The following DENND1A variants were observed in gnomAD, a reference collection of about 807,000 sequenced individuals.
DENND1A encodes the protein DENN domain containing 1A.
Under a neutral mutation model 113.7 loss-of-function variants are expected in DENND1A, and 51 were observed. The ratio of observed to expected loss-of-function variants is 0.45; its 90% CI spans 0.36 to 0.57. The LOEUF is 0.57. DENND1A is among the 20% of genes least tolerant of loss of function. The pLI, the probability that DENND1A is intolerant of heterozygous loss-of-function variation, is 0.00. For synonymous variants in DENND1A, 565 were observed against 570.8 expected (o/e 0.99, Z 0.14); for missense variants, 1,258 against 1,395.9 (o/e 0.90, Z 1.57).
intron 19 of DENND1A, among the ~76,000 whole-genome samples, chr9:123,421,473 C>T (rs746434528): frequency 1.3e-5 from 2 of 152,138 alleles, no homozygotes; most frequent in South Asian, 4.1e-4. Flanking sequence ...CCTCTCTCTC[C>T]CCAGAAAGTC....
chr9:123,682,034 G>A (rs756238283), intron 5 of DENND1A, among the ~76,000 whole-genome samples: 4 of 152,176 alleles, frequency 2.6e-5, no homozygotes, highest in South Asian at 2.1e-4. Context: ...AGAAGAAAGC[G>A]CATGAGCGAT....
At chr9:123,475,573 A>G (rs1452008389) in intron 13 of DENND1A, among the ~76,000 whole-genome samples, 1 of 152,150 alleles carries the variant, frequency 6.6e-6, no homozygotes, top group Non-Finnish European at 1.5e-5. Flanking sequence ...GCACATTGGG[A>G]CCCCATCCGA....
chr9:123,458,456 G>A (rs1371876207), intron 13 of DENND1A, among the ~76,000 whole-genome samples: 3 of 152,186 alleles, frequency 2.0e-5, no homozygotes, highest in Non-Finnish European at 4.4e-5. Context: ...GGATGAGGAA[G>A]CTGTTTCAGA....
chr9:123,653,627 T>C (rs1381731295), intron 8 of DENND1A, among the ~76,000 whole-genome samples: 1 of 152,216 alleles, frequency 6.6e-6, no homozygotes, highest in East Asian at 1.9e-4. Flanking sequence ...AGTAAGTGGA[T>C]GTGACATGAT....
chr9:123,401,491 C>T (rs773050132), intron 21 of DENND1A: 65 of 1,218,360 alleles, frequency 5.3e-5, no homozygotes, highest in Non-Finnish European at 6.1e-5. Flanking sequence ...AAACGTACCC[C>T]TCTGTCTCCT....
intron 13 of DENND1A, among the ~76,000 whole-genome samples, chr9:123,485,171 G>A (rs1159790218): frequency 6.6e-6 from 1 of 152,226 alleles, no homozygotes; most frequent in Non-Finnish European, 1.5e-5. Context: ...GCATGTGTGA[G>A]GTCTTGGGGA....
intron 6 of DENND1A, among the ~76,000 whole-genome samples, chr9:123,675,942 T>C (rs1189167446): frequency 6.6e-6 from 1 of 152,226 alleles, no homozygotes; most frequent in African/African-American, 2.4e-5. Context: ...ATGGTTACAC[T>C]TCTCATAACA....
At chr9:123,438,241 A>G (rs2046668542) in intron 19 of DENND1A, among the ~76,000 whole-genome samples, 1 of 152,158 alleles carries the variant, frequency 6.6e-6, no homozygotes, top group Non-Finnish European at 1.5e-5. Context: ...ACCTACCATA[A>G]GGGCAAAGCT....
chr9:123,755,547 C>T (rs1283028721), intron 5 of DENND1A, among the ~76,000 whole-genome samples: 3 of 151,650 alleles, frequency 2.0e-5, no homozygotes, highest in Non-Finnish European at 2.9e-5. Flanking sequence ...AGGAGTGAGC[C>T]CACGTGCCTG....
chr9:123,513,603 T>G (rs1229990705), intron 13 of DENND1A, among the ~76,000 whole-genome samples: 1 of 152,246 alleles, frequency 6.6e-6, no homozygotes, highest in African/African-American at 2.4e-5. Context: ...TTCCTTTCAC[T>G]GCTGGAAGCA....
intron 13 of DENND1A, among the ~76,000 whole-genome samples, chr9:123,469,028 C>G (rs1004829345): frequency 6.6e-6 from 1 of 152,230 alleles, no homozygotes; most frequent in African/African-American, 2.4e-5. Flanking sequence ...CTTCCCTGCC[C>G]TCAGAGGGCC....
intron 2 of DENND1A, among the ~76,000 whole-genome samples, chr9:123,835,629 T>C (rs576446265): frequency 1.3e-5 from 2 of 151,124 alleles, no homozygotes; most frequent in South Asian, 4.2e-4. Flanking sequence ...CTCTTTATCT[T>C]GGATATCTGC....
chr9:123,549,536 C>A (rs1251129961), intron 13 of DENND1A, among the ~76,000 whole-genome samples: 3 of 152,052 alleles, frequency 2.0e-5, no homozygotes, highest in Non-Finnish European at 4.4e-5. Context: ...CAGTCAGGCT[C>A]CTGCTCACAG....
chr9:123,529,257 T>C (rs2055099843), intron 13 of DENND1A, among the ~76,000 whole-genome samples: 1 of 152,164 alleles, frequency 6.6e-6, no homozygotes, highest in Non-Finnish European at 1.5e-5. Context: ...AAGTAATAGA[T>C]ACATTAAAAA....
intron 1 of DENND1A, among the ~76,000 whole-genome samples, chr9:123,923,895 T>C (rs1018712099): frequency 3.3e-5 from 5 of 152,178 alleles, no homozygotes; most frequent in Admixed American, 6.5e-5. Flanking sequence ...AAATGTTACA[T>C]AGAGTTACCA....
At chr9:123,620,479 C>T (rs1244537191) in intron 10 of DENND1A, among the ~76,000 whole-genome samples, 1 of 152,100 alleles carries the variant, frequency 6.6e-6, no homozygotes, top group Non-Finnish European at 1.5e-5. Context: ...GAGGCTCAGG[C>T]AGGAGATGTG....
chr9:123,738,001 T>C (rs1161953313), intron 5 of DENND1A, among the ~76,000 whole-genome samples: 1 of 152,180 alleles, frequency 6.6e-6, no homozygotes, highest in Non-Finnish European at 1.5e-5. Context: ...TTGACAGTCT[T>C]AGCTGAGAAA....
At chr9:123,468,320 C>T (rs2049120471) in intron 13 of DENND1A, among the ~76,000 whole-genome samples, 1 of 152,182 alleles carries the variant, frequency 6.6e-6, no homozygotes, top group African/African-American at 2.4e-5. Flanking sequence ...CTTGGCTATT[C>T]ACCAGAATTA....
intron 3 of DENND1A, among the ~76,000 whole-genome samples, chr9:123,788,148 G>A (rs928225919): frequency 6.6e-6 from 1 of 152,078 alleles, no homozygotes; most frequent in African/African-American, 2.4e-5. Flanking sequence ...AAGTACAATT[G>A]TGAGGACAAA....
Sources: allele counts gnomAD v4.1 joint callset (sites outside exome capture counted in the v4.1 genomes callset), GRCh38; gene constraint gnomAD v4.1.1; transcripts MANE v1.5; gene names NCBI Gene and HGNC (gene_info 2026-07-23, HGNC 2026-07-21).